The following DENND5B variants were observed in gnomAD, a reference collection of about 807,000 sequenced individuals.
DENND5B encodes DENN domain-containing protein 5B.
A neutral mutation model predicts 140.6 loss-of-function variants in DENND5B; 34 were observed. The ratio of observed to expected loss-of-function variants is 0.24; its 90% CI spans 0.18 to 0.32. The LOEUF (loss-of-function observed/expected upper bound fraction) is 0.32. Among genes scored for constraint, DENND5B ranks in the 10% least tolerant of loss-of-function variants. The probability of loss-of-function intolerance (pLI) is 1.00; values close to 1 mark genes in which losing one functional copy is unlikely to be tolerated. For synonymous variants in DENND5B, 551 were observed against 562.1 expected, an observed-to-expected ratio of 0.98 and a Z score of 0.28; for missense variants, 1,142 against 1,560.2, an observed-to-expected ratio of 0.73 and a Z score of 4.52.
chr12:31,449,037 G>A (rs1180939595), intron 5 of DENND5B, among the ~76,000 whole-genome samples: 23 of 152,008 alleles, frequency 1.5e-4, no homozygotes, highest in Admixed American at 1.4e-3. Flanking sequence ...CCATGCTCAT[G>A]TGTGTACAGG....
At chr12:31,465,082 G>A (rs1384367305) in intron 3 of DENND5B, 1 of 152,252 alleles carries the variant, frequency 6.6e-6, no homozygotes, top group East Asian at 1.9e-4. Context: ...CAGATCCCAA[G>A]GTGGCAATGG....
chr12:31,385,656 C>T lies in DENND5B; in HGVS notation c.*1947G>A, dbSNP rs1429413475. 6.6e-6 allele frequency: 1 copy of T among 152,172 alleles called. No homozygotes were observed. The highest frequency in any genetic ancestry group is 1.5e-5 in the Non-Finnish European group (1 of 68,046). 9.4% of individuals were successfully genotyped at this position (152,172 alleles called of 1,614,324 possible). On this transcript the variant is annotated 3_prime_UTR_variant, in exon 21 of 21. Coordinates refer to ENST00000389082, the MANE Select transcript of DENND5B (RefSeq NM_144973.4). ...AACAAATTTCTGGTGTACCCAGAACCATTTTCTTAAACCATTTCCATGGGT... is the reference window on the plus strand; with the variant it reads ...AACAAATTTCTGGTGTACCCAGAACTATTTTCTTAAACCATTTCCATGGGT...
intron 1 of DENND5B, among the ~76,000 whole-genome samples, chr12:31,510,013 C>T (rs1367527031): frequency 6.6e-6 from 1 of 152,206 alleles, no homozygotes; most frequent in African/African-American, 2.4e-5. Flanking sequence ...TTCTGAGGCT[C>T]CTGCACTTGA....
At chr12:31,495,300 C>G (rs1421517306) in intron 2 of DENND5B, among the ~76,000 whole-genome samples, 1 of 152,082 alleles carries the variant, frequency 6.6e-6, no homozygotes, top group East Asian at 1.9e-4. Context: ...AACTTATTAA[C>G]TATGGAAACC....
At position 31,540,990 on chromosome 12, in the gene DENND5B, T is replaced by C. The variant is rs1948665479; in HGVS notation, c.128-45071A>G. 3 of 454,588 alleles carry C rather than the reference T, an allele frequency of 6.6e-6. No individual in the cohort carries two copies. In the Admixed American group the frequency reaches 7.1e-5, roughly 11 times the overall value. 28.2% of individuals were successfully genotyped at this position (454,588 alleles called of 1,614,324 possible). A position where few individuals can be genotyped will look rare whatever the true frequency, so the allele number is the denominator to read the frequency against. ...CTTCAGTCAATGGTGCTGGGAAAAC[T>C]GGATATCTTTACGCAGAAGAATGAA... On this transcript the variant is annotated intron_variant, in intron 1 of 20. Transcript: ENST00000389082.
intron 3 of DENND5B, among the ~76,000 whole-genome samples, chr12:31,466,971 GA>G (rs1021172895): frequency 1.3e-5 from 2 of 151,980 alleles, no homozygotes; most frequent in Non-Finnish European, 2.9e-5. Flanking sequence ...GTAACAATGA[GA>G]GTCATTCATT....
intron 18 of DENND5B, 39 bp from the exon 19 acceptor site, chr12:31,392,432 T>G: frequency 6.2e-7 from 1 of 1,607,034 alleles, no homozygotes; most frequent in Non-Finnish European, 8.5e-7. Flanking sequence ...AAAAATCTCC[T>G]GCATCTATGT....
intron 13 of DENND5B, among the ~76,000 whole-genome samples, chr12:31,412,930 C>CT (rs899367809): frequency 6.1e-4 from 90 of 148,448 alleles, no homozygotes; most frequent in African/African-American, 8.1e-4. Context: ...GCAATCCGGC[C>CT]TTTTTTTTTT....
intron 4 of DENND5B, among the ~76,000 whole-genome samples, chr12:31,458,235 A>C (rs913003324): frequency 6.6e-6 from 1 of 152,248 alleles, no homozygotes; most frequent in East Asian, 1.9e-4. Flanking sequence ...AGATATATCA[A>C]GCTGCCATTT....
intron 1 of DENND5B, among the ~76,000 whole-genome samples, chr12:31,536,352 A>G (rs1205196546): frequency 2.0e-5 from 3 of 152,212 alleles, no homozygotes; most frequent in South Asian, 2.1e-4. Context: ...GAATTCTATC[A>G]GAAAAATTTA....
At chr12:31,425,611 T>C (rs1303938878) in intron 9 of DENND5B, among the ~76,000 whole-genome samples, 7 of 152,208 alleles carry the variant, frequency 4.6e-5, no homozygotes, top group Admixed American at 3.9e-4. Context: ...GTAAGTTAAT[T>C]TGCATCAGTC....
intron 1 of DENND5B, among the ~76,000 whole-genome samples, chr12:31,540,361 A>G (rs1339874779): frequency 1.3e-5 from 2 of 152,174 alleles, no homozygotes; most frequent in Admixed American, 6.5e-5. Context: ...AAAGTAGAAA[A>G]AACAATTCTA....
chr12:31,435,349 A>G (rs1181026040), intron 7 of DENND5B, among the ~76,000 whole-genome samples: 2 of 152,140 alleles, frequency 1.3e-5, no homozygotes, highest in Non-Finnish European at 2.9e-5. Flanking sequence ...AAAGTATAAA[A>G]TACATTAGCC....
At chr12:31,533,645 T>C (rs1168748080) in intron 1 of DENND5B, among the ~76,000 whole-genome samples, 1 of 152,190 alleles carries the variant, frequency 6.6e-6, no homozygotes, top group Admixed American at 6.5e-5. Context: ...GTAAAAGCAG[T>C]TGGATGGCAG....
intron 1 of DENND5B, among the ~76,000 whole-genome samples, chr12:31,583,697 AC>A (rs1950290587): frequency 6.6e-6 from 1 of 150,862 alleles, no homozygotes; most frequent in Non-Finnish European, 1.5e-5. Context: ...AAAAACAAAA[AC>A]AAAAACAAAC....
intron 1 of DENND5B, among the ~76,000 whole-genome samples, chr12:31,520,808 G>C (rs974292543): frequency 1.3e-5 from 2 of 151,742 alleles, no homozygotes; most frequent in African/African-American, 4.8e-5. Context: ...CCAAAGTGCT[G>C]GGATTACAGG....
chr12:31,426,026 G>A (rs917036241), intron 9 of DENND5B, among the ~76,000 whole-genome samples: 3 of 152,174 alleles, frequency 2.0e-5, no homozygotes, highest in Admixed American at 6.5e-5. Context: ...AGTGGCTTAA[G>A]ACATCCGTTC....
At chr12:31,423,033 C>T (rs998142269) in intron 11 of DENND5B, among the ~76,000 whole-genome samples, 68 of 151,718 alleles carry the variant, frequency 4.5e-4, no homozygotes, top group African/African-American at 1.4e-3. Context: ...CTTTGCCTCC[C>T]GGGTTCAAGC....
intron 3 of DENND5B, among the ~76,000 whole-genome samples, chr12:31,473,090 T>G (rs1040917636): frequency 6.6e-6 from 1 of 152,080 alleles, no homozygotes; most frequent in Non-Finnish European, 1.5e-5. Context: ...AGGTGCACAC[T>G]ACCATGCCTA....
Sources: gnomAD v4.1 joint callset for allele counts (sites outside exome capture counted in the v4.1 genomes callset) on GRCh38, gnomAD v4.1.1 for gene constraint, MANE v1.5 for transcripts, NCBI Gene and HGNC (gene_info 2026-07-23, HGNC 2026-07-21) for gene names.